TRIP4: variants seen among roughly 807,000 people sequenced by gnomAD.
TRIP4 encodes the protein activating signal cointegrator 1.
Under a neutral mutation model 81.8 loss-of-function variants are expected in TRIP4, and 54 were observed. That is an observed-to-expected ratio of 0.66 (90% CI 0.53 to 0.83). The LOEUF (loss-of-function observed/expected upper bound fraction) is 0.83, where lower values mean the gene tolerates loss of function less well. Ranked by LOEUF, TRIP4 falls within the 40% of genes least tolerant of loss-of-function variation. The probability of loss-of-function intolerance (pLI) is 0.00; values close to 1 mark genes in which losing one functional copy is unlikely to be tolerated. For synonymous variants in TRIP4, 270 were observed against 242.8 expected, an observed-to-expected ratio of 1.11 and a Z score of -1.04; for missense variants, 662 against 683.6, an observed-to-expected ratio of 0.97 and a Z score of 0.35.
At chr15:64,413,678 C>T (rs572109997) in intron 7 of TRIP4, among the ~76,000 whole-genome samples, 10 of 152,200 alleles carry the variant, frequency 6.6e-5, no homozygotes, top group Admixed American at 2.6e-4. Context: ...CAACCTCCTC[C>T]GCAGTTTCAA....
At chr15:64,420,649 G>A (rs990532732) in intron 9 of TRIP4, among the ~76,000 whole-genome samples, 2 of 151,724 alleles carry the variant, frequency 1.3e-5, no homozygotes, top group Admixed American at 1.3e-4. Context: ...TCAGCCTCCT[G>A]AGTAGCTGGG....
At chr15:64,413,028 G>C (rs1432809028) in intron 7 of TRIP4, among the ~76,000 whole-genome samples, 1 of 152,104 alleles carries the variant, frequency 6.6e-6, no homozygotes, top group East Asian at 1.9e-4. Context: ...TTCTGGGCCA[G>C]TAGGGTACCT....
intron 5 of TRIP4, among the ~76,000 whole-genome samples, chr15:64,401,194 C>T (rs1300012762): frequency 6.7e-6 from 1 of 149,806 alleles, no homozygotes; most frequent in African/African-American, 2.5e-5. Context: ...AGTGTAGTGG[C>T]GCTGATCTCG....
chr15:64,389,439 C>G (rs1041959542), intron 1 of TRIP4, among the ~76,000 whole-genome samples: 3 of 151,998 alleles, frequency 2.0e-5, no homozygotes. Context: ...GGAGACCACC[C>G]TGGGCAACAT....
chr15:64,389,226 T>C (rs76965243), intron 1 of TRIP4, among the ~76,000 whole-genome samples: 1,985 of 152,334 alleles, frequency 0.013, 34 homozygotes, highest in African/African-American at 0.046. Flanking sequence ...TGGTCACTGA[T>C]GTTGAAACCT....
At chr15:64,415,433 G>T (rs1254510435) in intron 8 of TRIP4, among the ~76,000 whole-genome samples, 3 of 152,168 alleles carry the variant, frequency 2.0e-5, no homozygotes, top group African/African-American at 4.8e-5. Flanking sequence ...TCCCATACCT[G>T]GAGGCTAAAA....
chr15:64,398,589 A>G (rs1256319629), intron 4 of TRIP4, among the ~76,000 whole-genome samples: 2 of 152,134 alleles, frequency 1.3e-5, no homozygotes, highest in Non-Finnish European at 1.5e-5. Context: ...GAAGAAAGAA[A>G]GAACCCCAGG....
At chr15:64,398,565 G>A (rs1191438409) in intron 4 of TRIP4, among the ~76,000 whole-genome samples, 1 of 151,972 alleles carries the variant, frequency 6.6e-6, no homozygotes, top group African/African-American at 2.4e-5. Flanking sequence ...GTGAGACAGC[G>A]AGTCCTTATC....
chr15:64,422,179 T>C (rs1892034204), intron 9 of TRIP4, among the ~76,000 whole-genome samples: 1 of 152,132 alleles, frequency 6.6e-6, no homozygotes, highest in South Asian at 2.1e-4. Context: ...TGACTGTAGA[T>C]TAGGCCAGTA....
At chr15:64,406,786 G>C (rs1421529917) in intron 6 of TRIP4, among the ~76,000 whole-genome samples, 3 of 152,196 alleles carry the variant, frequency 2.0e-5, no homozygotes, top group Admixed American at 2.0e-4. Flanking sequence ...TAGAGTACGT[G>C]TTATTTGCAA....
At position 64,409,607 on chromosome 15, in the gene TRIP4, T is replaced by C; in HGVS notation, c.828-6T>C. The C allele has an allele frequency of 1.2e-6, 2 of 1,613,758 alleles. No homozygotes were observed. The highest frequency in any genetic ancestry group is 2.2e-5 in the East Asian group (1 of 44,884). On this transcript the variant is annotated splice_polypyrimidine_tract_variant and splice_region_variant and intron_variant, in intron 6 of 12. Transcript: ENST00000261884. ...ACCTAATTACCATGTGTTCCCTTTT[T>C]CTCAGTATTCGAAGGACCCAAGTCA... is the stretch of plus-strand genomic sequence containing the variant.
At chr15:64,428,214 G>A (rs1213073550) in intron 11 of TRIP4, among the ~76,000 whole-genome samples, 1 of 152,132 alleles carries the variant, frequency 6.6e-6, no homozygotes, top group African/African-American at 2.4e-5. Flanking sequence ...AAGGTCAAAT[G>A]ATTTCAATCT....
intron 11 of TRIP4, among the ~76,000 whole-genome samples, chr15:64,428,200 A>T (rs903344892): frequency 6.6e-6 from 1 of 152,190 alleles, no homozygotes; most frequent in African/African-American, 2.4e-5. Context: ...CTACCACCTG[A>T]TACAAGGTCA....
At chr15:64,408,674 C>T (rs1225059060) in intron 6 of TRIP4, among the ~76,000 whole-genome samples, 3 of 152,080 alleles carry the variant, frequency 2.0e-5, no homozygotes, top group Admixed American at 6.6e-5. Flanking sequence ...TATGGGGAAA[C>T]GTAATCTTAA....
At chr15:64,408,589 T>TA (rs572457250) in intron 6 of TRIP4, among the ~76,000 whole-genome samples, 10 of 152,024 alleles carry the variant, frequency 6.6e-5, no homozygotes, top group Non-Finnish European at 1.5e-4. Flanking sequence ...TCTAGCTGAG[T>TA]ATGAAAATTT....
intron 4 of TRIP4, among the ~76,000 whole-genome samples, chr15:64,400,208 T>C (rs1229992765): frequency 6.6e-6 from 1 of 151,368 alleles, no homozygotes; most frequent in Non-Finnish European, 1.5e-5. Context: ...TTTCGGAGGC[T>C]GAGGAGGGAA....
At chr15:64,418,506 A>G (rs931298436) in intron 8 of TRIP4, 35 bp from the exon 9 acceptor site, 1 of 1,548,448 alleles carries the variant, frequency 6.5e-7, no homozygotes, top group Admixed American at 2.0e-5. Context: ...TTCTTGCCTT[A>G]TAAGATAGAA....
intron 4 of TRIP4, among the ~76,000 whole-genome samples, chr15:64,399,968 C>T (rs757253761): frequency 1.4e-5 from 2 of 148,046 alleles, no homozygotes; most frequent in Non-Finnish European, 3.0e-5. Flanking sequence ...AAGCCACACC[C>T]TGCTCAAAAA....
intron 12 of TRIP4, among the ~76,000 whole-genome samples, chr15:64,452,976 G>A (rs11635134): frequency 6.6e-6 from 1 of 152,184 alleles, no homozygotes; most frequent in Middle Eastern, 3.4e-3. Flanking sequence ...CTTGAGGTCA[G>A]GAGTTCAAGA....
Sources: gnomAD v4.1 joint callset for allele counts (sites outside exome capture counted in the v4.1 genomes callset) on GRCh38, gnomAD v4.1.1 for gene constraint, MANE v1.5 for transcripts, NCBI Gene and HGNC (gene_info 2026-07-23, HGNC 2026-07-21) for gene names.